OTUD7A: variants seen among roughly 807,000 people sequenced by gnomAD.
OTUD7A encodes OTU deubiquitinase 7A.
A neutral mutation model predicts 65.7 loss-of-function variants in OTUD7A; 12 were observed. The observed-to-expected ratio is 0.18, with a 90% CI of 0.12 to 0.30. The LOEUF (loss-of-function observed/expected upper bound fraction) is 0.30, where lower values mean the gene tolerates loss of function less well. Among genes scored for constraint, OTUD7A ranks in the 10% least tolerant of loss-of-function variants. The pLI, the probability that OTUD7A is intolerant of heterozygous loss-of-function variation, is 1.00. For synonymous variants in OTUD7A, 641 were observed against 586.3 expected, an observed-to-expected ratio of 1.09 and a Z score of -1.35; for missense variants, 1,148 against 1,304.8, an observed-to-expected ratio of 0.88 and a Z score of 1.85.
Position 31,482,562 on chromosome 15 carries a change from G to T in OTUD7A, c.*732C>A, listed in dbSNP as rs1280037201. The T allele has an allele frequency of 1.3e-5, 2 of 152,296 alleles. No homozygotes were observed. Among genetic ancestry groups the T allele is most frequent in the Non-Finnish European group, 2.9e-5 (2 of 68,086 alleles). 9.4% of individuals were successfully genotyped at this position (152,296 alleles called of 1,614,324 possible). ...TGTCTTTGGAAAGCTCCTGTCACCTGAACTGCCCGGCACTGGGAGCCATCG... is the reference window on the plus strand; with the variant it reads ...TGTCTTTGGAAAGCTCCTGTCACCTTAACTGCCCGGCACTGGGAGCCATCG... On this transcript the variant is annotated 3_prime_UTR_variant, in exon 13 of 13. Coordinates refer to ENST00000307050, the MANE Select transcript of OTUD7A (RefSeq NM_001382637.1).
At chr15:31,580,279 T>TGAGATGCCAGGAGA (rs1198253555) in intron 3 of OTUD7A, among the ~76,000 whole-genome samples, 1 of 151,980 alleles carries the variant, frequency 6.6e-6, no homozygotes, top group Non-Finnish European at 1.5e-5. Flanking sequence ...GCAGGGAGGA[T>TGAGATGCCAGGAGA]GAGATGCCAG....
In OTUD7A at chr15:31,675,506, G is replaced by A. The variant is rs183884572; in HGVS notation, c.-99-18429C>T. Among the ~76,000 whole-genome samples, 314 of 152,244 alleles carry A rather than the reference G, an allele frequency of 2.1e-3. 3 individuals are homozygous for A. The highest frequency in any genetic ancestry group is 7.2e-3 in the African/African-American group (301 of 41,550). On this transcript the variant is annotated intron_variant, in intron 1 of 12. Coordinates refer to ENST00000307050, the MANE Select transcript of OTUD7A (RefSeq NM_001382637.1). ...AGCCCACAGTTATTCATTATACCACGTTGAAACAAACCAGGAATAGAAGGA... is the reference window on the plus strand; with the variant it reads ...AGCCCACAGTTATTCATTATACCACATTGAAACAAACCAGGAATAGAAGGA...
At chr15:31,662,031 TG>T (rs1892179912) in intron 1 of OTUD7A, among the ~76,000 whole-genome samples, 1 of 152,208 alleles carries the variant, frequency 6.6e-6, no homozygotes, top group African/African-American at 2.4e-5. Context: ...AGCACTGGGA[TG>T]TAAGACTCGA....
chr15:31,640,718 C>T (rs1182351533), intron 3 of OTUD7A, among the ~76,000 whole-genome samples: 1 of 152,008 alleles, frequency 6.6e-6, no homozygotes, highest in Non-Finnish European at 1.5e-5. Context: ...AAAAAAACTA[C>T]TTTATTGTAT....
In OTUD7A at chr15:31,484,866, G is replaced by T; in HGVS notation, c.1372-142C>A. On this transcript the variant is annotated intron_variant, in intron 12 of 12. Transcript: ENST00000307050. This position sits in a 1 kb window ranked among gnomAD's most constrained non-coding sequence, Gnocchi z 4.5. ...TCCCAGTCCCCACTGTCGCTCTGGT[G>T]ACTGTGACATCCGGATGGGCGGTGC... 1 of 1,418,804 alleles carries T rather than the reference G, an allele frequency of 7.0e-7. No homozygotes were observed. The highest frequency in any genetic ancestry group is 9.3e-7 in the Non-Finnish European group (1 of 1,076,932). The allele number at this position is 1,418,804 out of a possible 1,614,324, so 87.9% of individuals were successfully genotyped here.
rs1179021830 is a variant in OTUD7A at position 31,487,761 on chromosome 15, A to G, written c.1172-195T>C. 1.3e-5 allele frequency among the ~76,000 whole-genome samples: 2 copies of G among 152,204 alleles called. No homozygotes were observed. Among genetic ancestry groups the G allele is most frequent in the African/African-American group, 4.8e-5 (2 of 41,456 alleles). On this transcript the variant is annotated intron_variant, in intron 10 of 12. Coordinates refer to ENST00000307050, the MANE Select transcript of OTUD7A (RefSeq NM_001382637.1). This position sits in a 1 kb window ranked among gnomAD's most constrained non-coding sequence, Gnocchi z 6.0. ...ATTTCGTATTTATTGCGGACAGTGGAGAGCAGTTGGAAGCGTCACCTGGAC... is the reference window on the plus strand; with the variant it reads ...ATTTCGTATTTATTGCGGACAGTGGGGAGCAGTTGGAAGCGTCACCTGGAC...
chr15:31,723,225 G>A (rs1358019102), intron 1 of OTUD7A, among the ~76,000 whole-genome samples: 2 of 152,296 alleles, frequency 1.3e-5, no homozygotes, highest in African/African-American at 4.8e-5. Context: ...AGGAGGCCCG[G>A]AGGCCTGCCA....
At chr15:31,661,925 T>C (rs1190931922) in intron 1 of OTUD7A, among the ~76,000 whole-genome samples, 1 of 152,214 alleles carries the variant, frequency 6.6e-6, no homozygotes, top group African/African-American at 2.4e-5. Flanking sequence ...CTTATATATA[T>C]ATTTTTCTCT....
intron 1 of OTUD7A, among the ~76,000 whole-genome samples, chr15:31,795,538 T>C (rs777711485): frequency 1.1e-4 from 17 of 152,196 alleles, no homozygotes; most frequent in Non-Finnish European, 2.5e-4. Flanking sequence ...TGATCTCTTC[T>C]ATCTTTCTGG....
chr15:31,666,702 A>T (rs965652612), intron 1 of OTUD7A, among the ~76,000 whole-genome samples: 1 of 151,752 alleles, frequency 6.6e-6, no homozygotes, highest in African/African-American at 2.4e-5. Context: ...TTGTTTCTCT[A>T]GTTCCTTGAG....
intron 1 of OTUD7A, among the ~76,000 whole-genome samples, chr15:31,761,713 G>A (rs1455702083): frequency 6.6e-6 from 1 of 152,150 alleles, no homozygotes; most frequent in Non-Finnish European, 1.5e-5. Flanking sequence ...TATATGAATT[G>A]TCATAACAGC....
chr15:31,664,564 G>A (rs911581276), intron 1 of OTUD7A, among the ~76,000 whole-genome samples: 4 of 151,878 alleles, frequency 2.6e-5, no homozygotes, highest in Admixed American at 2.0e-4. Context: ...TTAGTCCTTT[G>A]TCAGATGTAT....
chr15:31,746,725 A>T lies in OTUD7A; in HGVS notation c.-99-89648T>A, dbSNP rs904375830. ...TAGTCAGGCTTGTCTCGAACTCCTG[A>T]CCTCAGGTGATTCACCTGCCTCTGC... On this transcript the variant is annotated intron_variant, in intron 1 of 12. Coordinates refer to ENST00000307050, the MANE Select transcript of OTUD7A (RefSeq NM_001382637.1). 3.9e-5 allele frequency among the ~76,000 whole-genome samples: 6 copies of T among 152,094 alleles called. No individual in the cohort carries two copies. In the South Asian group the frequency reaches 1.2e-3, roughly 32 times the overall value.
intron 1 of OTUD7A, chr15:31,766,823 T>C (rs1895104872): frequency 1.2e-6 from 2 of 1,612,644 alleles, no homozygotes; most frequent in Admixed American, 3.3e-5. Flanking sequence ...AAAAACAGTT[T>C]ATTATTTTGT....
intron 1 of OTUD7A, among the ~76,000 whole-genome samples, chr15:31,805,106 C>T (rs75707484): frequency 6.6e-6 from 1 of 152,344 alleles, no homozygotes; most frequent in African/African-American, 2.4e-5. Context: ...TCCACATACA[C>T]ACAGCCCCTG....
At chr15:31,559,450 GATAT>G (rs1344208547) in intron 4 of OTUD7A, among the ~76,000 whole-genome samples, 2 of 151,906 alleles carry the variant, frequency 1.3e-5, no homozygotes, top group East Asian at 3.9e-4. Flanking sequence ...TATAAGCAGA[GATAT>G]ACATGTGCAT....
At chr15:31,839,225 T>C (rs930939980) in intron 1 of OTUD7A, among the ~76,000 whole-genome samples, 2 of 152,198 alleles carry the variant, frequency 1.3e-5, no homozygotes, top group African/African-American at 2.4e-5. Context: ...AGCAACTGGA[T>C]TGCTTCCCAC....
At chr15:31,500,365 G>A (rs74010669) in intron 10 of OTUD7A, among the ~76,000 whole-genome samples, 2,119 of 152,320 alleles carry the variant, frequency 0.014, 56 homozygotes, top group African/African-American at 0.049. Context: ...TTCTTGTCAC[G>A]GCCGGCTGTA....
chr15:31,492,210 G>C (rs1317303382), intron 10 of OTUD7A, among the ~76,000 whole-genome samples: 9 of 152,200 alleles, frequency 5.9e-5, no homozygotes, highest in African/African-American at 1.7e-4. Context: ...AAGAATGGGA[G>C]GGAGGGATTG....
Sources: gnomAD v4.1 joint callset for allele counts (sites outside exome capture counted in the v4.1 genomes callset) on GRCh38, gnomAD v4.1.1 for gene constraint, Gnocchi (gnomAD v3.1) non-coding constraint, MANE v1.5 for transcripts, NCBI Gene and HGNC (gene_info 2026-07-23, HGNC 2026-07-21) for gene names.